The following MGST1 variants were observed in gnomAD, a reference collection of about 807,000 sequenced individuals.
MGST1 encodes the protein microsomal glutathione S-transferase 1, also known as glutathione S-transferase 12.
Under a neutral mutation model 8.9 loss-of-function variants are expected in MGST1, and 5 were observed. The ratio of observed to expected loss-of-function variants is 0.56; its 90% CI spans 0.29 to 1.19. The LOEUF (loss-of-function observed/expected upper bound fraction) is 1.19. Among genes scored for constraint, MGST1 ranks in the 50% most tolerant of loss-of-function variants. The pLI is 0.08. For missense variants in MGST1, 182 were observed against 187.4 expected (o/e 0.97, Z 0.17); for synonymous variants, 54 against 67.8 (o/e 0.80, Z 1.00).
intron 4 of MGST1, among the ~76,000 whole-genome samples, chr12:16,514,971 A>C (rs191824426): frequency 2.2e-4 from 34 of 152,318 alleles, no homozygotes; most frequent in African/African-American, 7.0e-4. Flanking sequence ...GAAACCTGTC[A>C]ATTATGCTAT....
At chr12:16,391,780 G>A (rs982217598) in intron 1 of MGST1, among the ~76,000 whole-genome samples, 5 of 152,068 alleles carry the variant, frequency 3.3e-5, no homozygotes, top group African/African-American at 1.2e-4. Context: ...TGCTTTTGTT[G>A]CAATTGCTTT....
chr12:16,400,237 C>A, intron 1 of MGST1: 2 of 858,118 alleles, frequency 2.3e-6, no homozygotes, highest in South Asian at 1.3e-5. Flanking sequence ...CCACTTCTTC[C>A]CAAACATGAT....
chr12:16,429,668 T>C (rs1940922052), intron 1 of MGST1, among the ~76,000 whole-genome samples: 1 of 152,216 alleles, frequency 6.6e-6, no homozygotes, highest in African/African-American at 2.4e-5. Flanking sequence ...CCATTAAGTA[T>C]GCAATATTCT....
chr12:16,506,347 A>G (rs1424918358), intron 4 of MGST1, among the ~76,000 whole-genome samples: 3 of 152,180 alleles, frequency 2.0e-5, no homozygotes, highest in Non-Finnish European at 4.4e-5. Context: ...AATGGGCAGT[A>G]AGTTTGCCTG....
chr12:16,366,402 T>C (rs1451682921), downstream of MGST1, among the ~76,000 whole-genome samples: 1 of 152,092 alleles, frequency 6.6e-6, no homozygotes, highest in East Asian at 1.9e-4. This position sits in a 1 kb window ranked among gnomAD's most constrained non-coding sequence, Gnocchi z 4.0. Context: ...TGGTCTAGTC[T>C]CTCCTGAAAC....
chr12:16,586,691 A>G lies in MGST1; in HGVS notation n.483-2837A>G, dbSNP rs528347047. On this transcript the variant is annotated intron_variant and non_coding_transcript_variant, in intron 4 of 4. Transcript: ENST00000538857. This position sits in a 1 kb window ranked among gnomAD's most constrained non-coding sequence, Gnocchi z 4.3. ...TCGGGGTAGAGATTTCAAGATACAC[A>G]TCTTTTGACCCCCCATTGCAGTAGA... Among the ~76,000 whole-genome samples the G allele has an allele frequency of 2.6e-5, 4 of 152,138 alleles. No individual in the cohort carries two copies. The highest frequency in any genetic ancestry group is 5.9e-5 in the Non-Finnish European group (4 of 68,028).
chr12:16,411,236 C>G (rs1940740632), intron 1 of MGST1, among the ~76,000 whole-genome samples: 1 of 152,174 alleles, frequency 6.6e-6, no homozygotes, highest in Admixed American at 6.6e-5. Flanking sequence ...CCATTGAGCT[C>G]ACCGTTACAG....
intron 4 of MGST1, among the ~76,000 whole-genome samples, chr12:16,457,667 C>G (rs935183094): frequency 6.6e-6 from 1 of 151,854 alleles, no homozygotes; most frequent in African/African-American, 2.4e-5. Flanking sequence ...TGCTGTAATG[C>G]AGAAGATTTA....
At position 16,560,644 on chromosome 12, in the gene MGST1, C is replaced by T; in HGVS notation, n.483-28884C>T. On this transcript the variant is annotated intron_variant and non_coding_transcript_variant, in intron 4 of 4. Transcript: ENST00000538857. This position sits in a 1 kb window ranked among gnomAD's most constrained non-coding sequence, Gnocchi z 5.0. ...CTCTGTAAAGCTACAATACACAATG[C>T]TTTATGATGTACACAAGTGGATTTT... 2.0e-6 allele frequency: 2 copies of T among 987,250 alleles called. No individual in the cohort carries two copies. The highest frequency in any genetic ancestry group is 3.0e-6 in the Non-Finnish European group (2 of 659,960). 61.2% of individuals were successfully genotyped at this position (987,250 alleles called of 1,614,324 possible).
chr12:16,407,735 T>C (rs1940707816), intron 1 of MGST1, among the ~76,000 whole-genome samples: 1 of 151,686 alleles, frequency 6.6e-6, no homozygotes, highest in Admixed American at 6.6e-5. Flanking sequence ...TATGCAGCCA[T>C]AAAAAAGAAC....
rs1466444533 is a variant in MGST1, at chr12:16,584,854, C to T, written n.483-4674C>T. On this transcript the variant is annotated intron_variant and non_coding_transcript_variant, in intron 4 of 4. Transcript: ENST00000538857. The surrounding 1 kb of genome is among the most constrained non-coding windows in gnomAD (Gnocchi z 5.2). ...ATACATTGGATGAAGGGCTCTGATC[C>T]TCTCTTCAAGAATTCAGGATGCGAG... Among the ~76,000 whole-genome samples, 2 of 152,254 alleles carry T rather than the reference C, an allele frequency of 1.3e-5. No individual in the cohort carries two copies. The highest frequency in any genetic ancestry group is 1.9e-4 in the East Asian group (1 of 5,174).
intron 4 of MGST1, chr12:16,550,313 T>G (rs1941942228): frequency 1.3e-5 from 2 of 152,410 alleles, no homozygotes; most frequent in Non-Finnish European, 2.9e-5. Flanking sequence ...CACTTAAAAA[T>G]CATCTCATAA....
intron 1 of MGST1, among the ~76,000 whole-genome samples, chr12:16,414,343 G>A (rs545255695): frequency 1.4e-4 from 19 of 134,458 alleles, no homozygotes; most frequent in African/African-American, 3.0e-4. Context: ...GTTTTCCTCC[G>A]TATTACCTGA....
intron 4 of MGST1, among the ~76,000 whole-genome samples, chr12:16,474,562 G>A (rs1941308678): frequency 6.6e-6 from 1 of 152,174 alleles, no homozygotes; most frequent in Admixed American, 6.5e-5. Context: ...CTTAGGCCAG[G>A]TGGCTGGGCT....
chr12:16,401,537 G>A lies in MGST1; in HGVS notation n.778+17933G>A. 9.8e-7 allele frequency: 1 copy of A among 1,016,030 alleles called. No homozygotes were observed. Among genetic ancestry groups the A allele is most frequent in the Non-Finnish European group, 1.6e-6 (1 of 642,000 alleles). 62.9% of individuals were successfully genotyped at this position (1,016,030 alleles called of 1,614,324 possible). A position where few individuals can be genotyped will look rare whatever the true frequency, so the allele number is the denominator to read the frequency against. On this transcript the variant is annotated intron_variant and non_coding_transcript_variant, in intron 1 of 1. Coordinates refer to the MGST1 transcript ENST00000359720. The surrounding 1 kb of genome is among the most constrained non-coding windows in gnomAD (Gnocchi z 4.3). ...AAGTTGTAATTTTCTTGAACTTCCT[G>A]AGGAGGATCAGCCATCAAAGTGCGA...
At chr12:16,385,974 A>G (rs779056764) in intron 1 of MGST1, among the ~76,000 whole-genome samples, 1 of 152,188 alleles carries the variant, frequency 6.6e-6, no homozygotes, top group Non-Finnish European at 1.5e-5. Context: ...ACACTTGCCT[A>G]AAGAATCTGC....
At position 16,500,094 on chromosome 12, in the gene MGST1, CAATT is replaced by C. The variant is rs1352281659; in HGVS notation, n.483-89428_483-89425del. Among the ~76,000 whole-genome samples, 2 of 152,228 alleles carry C rather than the reference CAATT, an allele frequency of 1.3e-5. No homozygotes were observed. Among genetic ancestry groups the C allele is most frequent in the Non-Finnish European group, 1.5e-5 (1 of 68,016 alleles). On this transcript the variant is annotated intron_variant and non_coding_transcript_variant, in intron 4 of 4. Transcript: ENST00000538857. The surrounding 1 kb of genome is among the most constrained non-coding windows in gnomAD (Gnocchi z 4.3). Reference sequence around the variant, plus strand: ...TGTTTAAACTTTAGATATTTGTCAACAATTAATTATTTCTTAAAGATTATACTGT... The same window carrying C: ...TGTTTAAACTTTAGATATTTGTCAACAATTATTTCTTAAAGATTATACTGT...
intron 4 of MGST1, chr12:16,514,358 T>C (rs894419489): frequency 9.7e-6 from 3 of 308,328 alleles, no homozygotes; most frequent in Non-Finnish European, 1.9e-5. Context: ...ACCCGTTTGC[T>C]TCTACCATTC....
At chr12:16,572,283 C>T (rs1465972036) in intron 4 of MGST1, among the ~76,000 whole-genome samples, 2 of 148,320 alleles carry the variant, frequency 1.3e-5, no homozygotes, top group Non-Finnish European at 3.0e-5. Flanking sequence ...TTTATATGTT[C>T]ACATACAATA....
Sources: allele counts gnomAD v4.1 joint callset (sites outside exome capture counted in the v4.1 genomes callset), GRCh38; gene constraint gnomAD v4.1.1; non-coding constraint Gnocchi (gnomAD v3.1); transcripts MANE v1.5; gene names NCBI Gene and HGNC (gene_info 2026-07-23, HGNC 2026-07-21).